Variants in ADGRV1 observed in about 807,000 individuals in gnomAD.
ADGRV1 encodes G-protein coupled receptor 98.
In ADGRV1, 359 loss-of-function variants were observed where a neutral mutation model predicts 596.2. The observed-to-expected ratio is 0.60, with a 90% CI of 0.55 to 0.66. The LOEUF (loss-of-function observed/expected upper bound fraction) is 0.66. Among genes scored for constraint, ADGRV1 ranks in the 30% least tolerant of loss-of-function variants. The probability of loss-of-function intolerance (pLI) is 0.00; values close to 1 mark genes in which losing one functional copy is unlikely to be tolerated. For missense variants in ADGRV1, 7,274 were observed against 7,575.6 expected, an observed-to-expected ratio of 0.96 and a Z score of 1.48; for synonymous variants, 2,681 against 2,679.2, an observed-to-expected ratio of 1.00 and a Z score of -0.02.
At chr5:90,992,467 C>T (rs1375590339) in intron 85 of ADGRV1, among the ~76,000 whole-genome samples, 6 of 152,266 alleles carry the variant, frequency 3.9e-5, no homozygotes, top group South Asian at 4.1e-4. Flanking sequence ...TTCCTGGATC[C>T]GCTTTGCACA....
intron 75 of ADGRV1, among the ~76,000 whole-genome samples, chr5:90,821,670 C>T (rs572770227): frequency 6.6e-6 from 1 of 151,844 alleles, no homozygotes; most frequent in South Asian, 2.1e-4. Context: ...TTGGAATAGC[C>T]TGCCGTGTGA....
chr5:90,599,543 T>G (rs1761141220), intron 1 of ADGRV1, among the ~76,000 whole-genome samples: 2 of 152,258 alleles, frequency 1.3e-5, no homozygotes, highest in South Asian at 2.1e-4. Flanking sequence ...TTTTACCTGA[T>G]TGATAAATGC....
At chr5:91,020,287 C>T (rs774986074) in intron 85 of ADGRV1, among the ~76,000 whole-genome samples, 34 of 151,892 alleles carry the variant, frequency 2.2e-4, no homozygotes, top group Non-Finnish European at 4.4e-4. Flanking sequence ...ATTTCTCAAC[C>T]CTCTAAACTA....
chr5:90,747,002 A>T (rs1327904519), intron 52 of ADGRV1, among the ~76,000 whole-genome samples: 1 of 152,182 alleles, frequency 6.6e-6, no homozygotes, highest in Non-Finnish European at 1.5e-5. Context: ...ACTATATCTG[A>T]TGGTGATGAG....
intron 17 of ADGRV1, among the ~76,000 whole-genome samples, chr5:90,648,952 A>T (rs1243934230): frequency 1.3e-5 from 2 of 152,226 alleles, no homozygotes; most frequent in Admixed American, 6.5e-5. Context: ...GTGAAGTAAA[A>T]GTGGAAAACA....
chr5:90,726,723 G>C (rs531840319), intron 48 of ADGRV1, among the ~76,000 whole-genome samples: 1 of 150,572 alleles, frequency 6.6e-6, no homozygotes, highest in East Asian at 2.0e-4. Flanking sequence ...CTTCCCTTTC[G>C]TAAACTTAGA....
At position 90,815,636 on chromosome 5, in the gene ADGRV1, G is replaced by A; in HGVS notation, c.16096G>A (p.Gly5366Ser). Residue 5366 changes from glycine (G) to serine (S), a missense_variant, in exon 75 of 90, where the codon GGC becomes AGC. By Grantham distance (56) the Gly-to-Ser change is moderately conservative (BLOSUM62 0). Around this residue, in one of 5 missense-constraint regions of ADGRV1, gnomAD observed 1,874 missense variants for 1,970.2 expected, o/e 0.95. Transcript: ENST00000405460. ...TTTTTCAGGGAGTGACCTTCACAATGGCATCATAGGATTCAGTGAGGAGTC... is the reference window on the plus strand; with the variant it reads ...TTTTTCAGGGAGTGACCTTCACAATAGCATCATAGGATTCAGTGAGGAGTC... ...VIITGSDLHN[G>S]IIGFSEESQS... 1 of 1,566,798 alleles carries A rather than the reference G, an allele frequency of 6.4e-7. No homozygotes were observed. Among genetic ancestry groups the A allele is most frequent in the African/African-American group, 1.4e-5 (1 of 73,972 alleles).
chr5:90,933,542 C>T (rs923309922), intron 83 of ADGRV1, among the ~76,000 whole-genome samples: 4 of 152,028 alleles, frequency 2.6e-5, no homozygotes, highest in Admixed American at 6.6e-5. Context: ...GTGAGATGTG[C>T]CAGGACCTAG....
rs1295100272 is a variant in ADGRV1, at chr5:90,759,651, G to C, written c.12120+63G>C. The C allele has an allele frequency of 2.1e-6, 3 of 1,441,824 alleles. No homozygotes were observed. In the African/African-American group the frequency reaches 4.2e-5, roughly 20 times the overall value. 89.3% of individuals were successfully genotyped at this position (1,441,824 alleles called of 1,614,324 possible). ...CTAGCGTTTCATGTAATTTTGAGTA[G>C]AAAGTGTCTCACATTTTTGTTTTGG... On this transcript the variant is annotated intron_variant, in intron 58 of 89. Transcript: ENST00000405460.
Position 90,627,524 on chromosome 5 carries a change from C to G in ADGRV1, c.986C>G (p.Thr329Arg). ...GACTTCATTGATCTTCAGCCAAACA[C>G]AACTGTTGTTTTTCCACCTTTTATT... ...NLDFIDLQPN[T>R]TVVFPPFIHE... Residue 329 changes from threonine to arginine, a missense_variant, in exon 7 of 90, where the codon ACA becomes AGA. Physicochemically the swap from Thr to Arg is moderately conservative, Grantham distance 71. This residue lies in a region of ADGRV1 where 1,715 missense variants were observed against 1,708.8 expected (regional missense o/e 1.00). Transcript: ENST00000405460. 1 of 1,613,890 alleles carries G rather than the reference C, an allele frequency of 6.2e-7. No individual in the cohort carries two copies. Among genetic ancestry groups the G allele is most frequent in the Non-Finnish European group, 8.5e-7 (1 of 1,179,808 alleles).
chr5:90,912,338 A>G (rs1228055897), intron 83 of ADGRV1, among the ~76,000 whole-genome samples: 1 of 152,066 alleles, frequency 6.6e-6, no homozygotes, highest in Non-Finnish European at 1.5e-5. Flanking sequence ...AGTACCAAAC[A>G]TTTCTCCTGA....
At chr5:91,093,675 G>A (rs972313167) in intron 86 of ADGRV1, among the ~76,000 whole-genome samples, 2 of 152,186 alleles carry the variant, frequency 1.3e-5, no homozygotes, top group Non-Finnish European at 2.9e-5. Context: ...GTGCCTGGAA[G>A]ACTAGAGAGC....
At chr5:90,697,267 A>C in intron 34 of ADGRV1, 121 bp downstream of exon 34, 1 of 878,916 alleles carries the variant, frequency 1.1e-6, no homozygotes, top group South Asian at 1.8e-5. Flanking sequence ...TGTGTGTGTT[A>C]ATCTGCATAG....
intron 85 of ADGRV1, among the ~76,000 whole-genome samples, 154 bp from the exon 86 acceptor site, chr5:91,072,293 A>T (rs989342121): frequency 1.3e-5 from 2 of 152,178 alleles, no homozygotes; most frequent in African/African-American, 4.8e-5. Flanking sequence ...CAGATGTTGT[A>T]CTCAAACAAA....
chr5:91,094,838 G>T (rs549858720), intron 86 of ADGRV1, among the ~76,000 whole-genome samples: 2 of 152,140 alleles, frequency 1.3e-5, no homozygotes, highest in Non-Finnish European at 2.9e-5. Context: ...TAAGAGAAGT[G>T]AAGATGCAGA....
At chr5:90,807,297 C>T (rs1476117107) in intron 72 of ADGRV1, among the ~76,000 whole-genome samples, 1 of 152,086 alleles carries the variant, frequency 6.6e-6, no homozygotes, top group Non-Finnish European at 1.5e-5. Flanking sequence ...GAATTTAAAC[C>T]AAAGCCTGAC....
intron 1 of ADGRV1, chr5:90,614,565 T>G (rs1263377880): frequency 4.0e-5 from 14 of 352,082 alleles, no homozygotes; most frequent in African/African-American, 6.4e-5. Context: ...ATTTAATAAG[T>G]AAGTTTAACT....
At chr5:90,590,947 A>C (rs1410831871) in intron 1 of ADGRV1, among the ~76,000 whole-genome samples, 1 of 152,092 alleles carries the variant, frequency 6.6e-6, no homozygotes, top group Non-Finnish European at 1.5e-5. Flanking sequence ...TAGTTTTCAT[A>C]ATTTTTTTAA....
intron 1 of ADGRV1, among the ~76,000 whole-genome samples, chr5:90,602,952 C>G (rs1580417760): frequency 6.6e-6 from 1 of 152,236 alleles, no homozygotes; most frequent in African/African-American, 2.4e-5. Context: ...GCCTCTTGAT[C>G]TAACTTTTGG....
Sources: allele counts gnomAD v4.1 joint callset (sites outside exome capture counted in the v4.1 genomes callset), GRCh38; gene constraint gnomAD v4.1.1; regional missense constraint gnomAD v4.1.1; transcripts MANE v1.5; gene names NCBI Gene and HGNC (gene_info 2026-07-23, HGNC 2026-07-21).